The following ST6GALNAC3 variants were observed in gnomAD, a reference collection of about 807,000 sequenced individuals.
ST6GALNAC3 encodes the protein ST6 N-acetylgalactosaminide alpha-2,6-sialyltransferase 3, also known as alpha-N-acetylgalactosaminide alpha-2,6-sialyltransferase 3.
ST6GALNAC3 carries 25 observed loss-of-function variants against 32.7 expected under a neutral mutation model. The ratio of observed to expected loss-of-function variants is 0.76; its 90% CI spans 0.56 to 1.07. The LOEUF (loss-of-function observed/expected upper bound fraction) is 1.07. Among genes scored for constraint, ST6GALNAC3 ranks in the 50% least tolerant of loss-of-function variants. The pLI, the probability that ST6GALNAC3 is intolerant of heterozygous loss-of-function variation, is 0.00. For missense variants in ST6GALNAC3, 355 were observed against 382.4 expected, an observed-to-expected ratio of 0.93 and a Z score of 0.60; for synonymous variants, 129 against 133.1, an observed-to-expected ratio of 0.97 and a Z score of 0.21.
At chr1:76,578,353 T>G (rs1185015158) in intron 3 of ST6GALNAC3, among the ~76,000 whole-genome samples, 3 of 152,064 alleles carry the variant, frequency 2.0e-5, no homozygotes, top group African/African-American at 7.2e-5. Context: ...AAGAGGTCAT[T>G]ATATCATAAT....
intron 1 of ST6GALNAC3, among the ~76,000 whole-genome samples, chr1:76,187,202 A>C (rs1421833603): frequency 5.3e-5 from 8 of 152,220 alleles, no homozygotes; most frequent in Non-Finnish European, 1.0e-4. Flanking sequence ...TACTGCCTTC[A>C]TTATGACACA....
chr1:76,199,079 A>C lies in ST6GALNAC3; in HGVS notation c.19-114726A>C, dbSNP rs77620308. On this transcript the variant is annotated intron_variant, in intron 1 of 4. Transcript: ENST00000328299. ...GTGAAGAGAAGCAAAGTTTCCATCCATGGCTCAAATTCTTCCCTTTCCTTC... is the reference window on the plus strand; with the variant it reads ...GTGAAGAGAAGCAAAGTTTCCATCCCTGGCTCAAATTCTTCCCTTTCCTTC... Among the ~76,000 whole-genome samples, 541 of 152,298 alleles carry C rather than the reference A, an allele frequency of 3.6e-3. 3 individuals are homozygous for C. The highest frequency in any genetic ancestry group is 0.013 in the African/African-American group (525 of 41,570).
intron 2 of ST6GALNAC3, among the ~76,000 whole-genome samples, chr1:76,383,417 C>T (rs1268674016): frequency 6.6e-6 from 1 of 150,898 alleles, no homozygotes; most frequent in African/African-American, 2.4e-5. Context: ...ATTACTGTTG[C>T]ATGCCACTAT....
At chr1:76,421,564 A>G (rs997405725) in intron 3 of ST6GALNAC3, among the ~76,000 whole-genome samples, 3 of 152,054 alleles carry the variant, frequency 2.0e-5, no homozygotes, top group African/African-American at 7.2e-5. Context: ...GAAGTCAGAA[A>G]ACAAAATACC....
In ST6GALNAC3 at chr1:76,622,423, C is replaced by A. The variant is rs906335514; in HGVS notation, c.624-5029C>A. Among the ~76,000 whole-genome samples the A allele has an allele frequency of 2.0e-5, 3 of 151,868 alleles. No homozygotes were observed. The East Asian group carries it at 5.8e-4, about 29-fold the overall frequency. ...CGATGCTTGGTTGGATGAAGAAAAT[C>A]AGGGGACTGTGAATGAGCAGAGTAG... On this transcript the variant is annotated intron_variant, in intron 3 of 4. Transcript: ENST00000328299.
chr1:76,108,557 C>T (rs1432664979), intron 1 of ST6GALNAC3, among the ~76,000 whole-genome samples: 2 of 152,168 alleles, frequency 1.3e-5, no homozygotes, highest in African/African-American at 2.4e-5. Context: ...TGTGTTTGCT[C>T]ATCACTGAAG....
chr1:76,118,134 C>T (rs1352516795), intron 1 of ST6GALNAC3, among the ~76,000 whole-genome samples: 1 of 152,082 alleles, frequency 6.6e-6, no homozygotes, highest in Non-Finnish European at 1.5e-5. Context: ...TGCTCTCCCT[C>T]CCCTTGCCCC....
At chr1:76,311,700 T>G (rs543420737) in intron 1 of ST6GALNAC3, among the ~76,000 whole-genome samples, 1 of 152,274 alleles carries the variant, frequency 6.6e-6, no homozygotes, top group East Asian at 1.9e-4. Context: ...TTTGGGTTGG[T>G]TCCAAGTCTT....
chr1:76,250,988 CT>C (rs1200500334), intron 1 of ST6GALNAC3, among the ~76,000 whole-genome samples: 3 of 152,090 alleles, frequency 2.0e-5, no homozygotes, highest in Non-Finnish European at 4.4e-5. Flanking sequence ...TAGCTTCGAC[CT>C]TTCTTCTGGG....
Position 76,122,636 on chromosome 1 carries a change from G to A in ST6GALNAC3, c.18+47752G>A, listed in dbSNP as rs142310336. 5.5e-3 allele frequency among the ~76,000 whole-genome samples: 838 copies of A among 152,272 alleles called. 6 individuals carry two copies. Among genetic ancestry groups the A allele is most frequent in the African/African-American group, 0.019 (794 of 41,558 alleles). ...AGGTGGGATCGTGCATATAGTGTTT[G>A]CATATCCCAGAATTGCTCCCTGACC... On this transcript the variant is annotated intron_variant, in intron 1 of 4. Transcript: ENST00000328299.
intron 2 of ST6GALNAC3, among the ~76,000 whole-genome samples, chr1:76,330,589 A>C (rs1647171798): frequency 6.6e-6 from 1 of 152,234 alleles, no homozygotes; most frequent in Admixed American, 6.5e-5. Context: ...TGTGCTAGGC[A>C]TTCTTCTAAG....
chr1:76,585,480 T>C (rs1044986664), intron 3 of ST6GALNAC3, among the ~76,000 whole-genome samples: 5 of 151,936 alleles, frequency 3.3e-5, no homozygotes, highest in African/African-American at 1.2e-4. Context: ...AACAACACCT[T>C]GCAGTCCCAG....
intron 3 of ST6GALNAC3, among the ~76,000 whole-genome samples, chr1:76,430,193 A>G (rs1655658979): frequency 6.6e-6 from 1 of 152,196 alleles, no homozygotes. Context: ...GGTCTAGACT[A>G]TGAAAATAGT....
At chr1:76,077,057 T>C (rs985241705) in intron 1 of ST6GALNAC3, among the ~76,000 whole-genome samples, 2 of 152,212 alleles carry the variant, frequency 1.3e-5, no homozygotes, top group African/African-American at 4.8e-5. Context: ...ATCTTTTTTC[T>C]TTGTTGTCTT....
intron 1 of ST6GALNAC3, among the ~76,000 whole-genome samples, chr1:76,304,347 C>CTCCCTCT (rs1660908589): frequency 6.6e-6 from 1 of 152,020 alleles, no homozygotes; most frequent in Non-Finnish European, 1.5e-5. Flanking sequence ...TCCCTCCACT[C>CTCCCTCT]TCCCTCTTCC....
chr1:76,443,744 A>C (rs1438168329), intron 3 of ST6GALNAC3, among the ~76,000 whole-genome samples: 1 of 152,242 alleles, frequency 6.6e-6, no homozygotes, highest in Non-Finnish European at 1.5e-5. Context: ...TTATGATTTC[A>C]AAAGAAAATA....
intron 2 of ST6GALNAC3, among the ~76,000 whole-genome samples, chr1:76,335,450 C>CAA (rs1647385960): frequency 6.8e-6 from 1 of 146,766 alleles, no homozygotes; most frequent in Admixed American, 6.7e-5. Flanking sequence ...CACACACACA[C>CAA]ACACACACTC....
chr1:76,444,132 CT>C (rs1261415651), intron 3 of ST6GALNAC3, among the ~76,000 whole-genome samples: 1 of 152,222 alleles, frequency 6.6e-6, no homozygotes, highest in Non-Finnish European at 1.5e-5. Context: ...TGCCTACACT[CT>C]GAGTTTCTCC....
At chr1:76,365,685 G>T (rs996017841) in intron 2 of ST6GALNAC3, among the ~76,000 whole-genome samples, 2 of 152,134 alleles carry the variant, frequency 1.3e-5, no homozygotes, top group Non-Finnish European at 2.9e-5. Flanking sequence ...CAAGGGCTTT[G>T]AGTGTGTATG....
Sources: gnomAD v4.1 joint callset for allele counts (sites outside exome capture counted in the v4.1 genomes callset) on GRCh38, gnomAD v4.1.1 for gene constraint, MANE v1.5 for transcripts, NCBI Gene and HGNC (gene_info 2026-07-23, HGNC 2026-07-21) for gene names.